AGGF1: variants seen among roughly 807,000 people sequenced by gnomAD.
AGGF1 encodes angiogenic factor with G patch and FHA domains 1.
A neutral mutation model predicts 86.5 loss-of-function variants in AGGF1; 56 were observed. The ratio of observed to expected loss-of-function variants is 0.65; its 90% confidence interval spans 0.52 to 0.81. The LOEUF (loss-of-function observed/expected upper bound fraction) is 0.81, where lower values mean the gene tolerates loss of function less well. Ranked by LOEUF, AGGF1 falls within the 30% of genes least tolerant of loss-of-function variation. The pLI, the probability that AGGF1 is intolerant of heterozygous loss-of-function variation, is 0.00. For synonymous variants in AGGF1, 313 were observed against 297.1 expected, an observed-to-expected ratio of 1.05 and a Z score of -0.55; for missense variants, 816 against 850.9, an observed-to-expected ratio of 0.96 and a Z score of 0.51.
At chr5:77,056,274 GC>G (rs1379312599) in intron 11 of AGGF1, among the ~76,000 whole-genome samples, 2 of 143,464 alleles carry the variant, frequency 1.4e-5, no homozygotes, top group Admixed American at 1.4e-4. Flanking sequence ...TGTCACCCAG[GC>G]TGGAGTGCAG....
At chr5:77,059,962 C>G (rs1747525923) in intron 12 of AGGF1, among the ~76,000 whole-genome samples, 1 of 152,206 alleles carries the variant, frequency 6.6e-6, no homozygotes, top group Admixed American at 6.5e-5. Flanking sequence ...CTGCCTCAGC[C>G]TCCTGAGTAG....
At position 77,030,468 on chromosome 5, in the gene AGGF1, T is replaced by G. The variant is rs550599735; in HGVS notation, c.-299T>G. 1 of 592,190 alleles carries G rather than the reference T, an allele frequency of 1.7e-6. No individual in the cohort carries two copies. The highest frequency in any genetic ancestry group is 1.5e-5 in the South Asian group (1 of 65,824). The allele number at this position is 592,190 out of a possible 1,614,324, so 36.7% of individuals were successfully genotyped here. On this transcript the variant is annotated 5_prime_UTR_variant, in exon 1 of 14. Coordinates refer to ENST00000312916, the MANE Select transcript of AGGF1 (RefSeq NM_018046.5). ...TTCTGGCCTCTGGTTTTCCGACTGC[T>G]TATCCGACGCTCCTCCCTCTGTCTC... is the stretch of plus-strand genomic sequence containing the variant.
At position 77,053,984 on chromosome 5, in the gene AGGF1, C is replaced by G. The variant is rs1747419430; in HGVS notation, c.1487C>G (p.Pro496Arg). 6 of 1,614,094 alleles carry G rather than the reference C, an allele frequency of 3.7e-6. No individual in the cohort carries two copies. Among genetic ancestry groups the G allele is most frequent in the Non-Finnish European group, 4.2e-6 (5 of 1,180,022 alleles). ...CTCTAGCCGAAAACTAAATGTGACC[C>G]TTACGTACTTGAGCATGGAGATGAA... is the stretch of plus-strand genomic sequence containing the variant. ...QILQPKTKCD[P>R]YVLEHGDEVK... The change falls in exon 10 of 14, where the codon CCT becomes CGT. Residue 496 changes from proline to arginine, a missense_variant. Physicochemically the swap from Pro to Arg is moderately radical, Grantham distance 103 (BLOSUM62 -2). Coordinates refer to ENST00000312916, the MANE Select transcript of AGGF1 (RefSeq NM_018046.5).
Position 77,048,202 on chromosome 5 carries a change from A to G in AGGF1, c.1243A>G (p.Ile415Val), listed in dbSNP as rs749387832. The change falls in exon 7 of 14, where the codon ATT (isoleucine) becomes GTT (valine). Residue 415 changes from isoleucine to valine, a missense_variant. Around this residue, in one of 3 missense-constraint regions of AGGF1, gnomAD observed 565 missense variants for 585.8 expected, o/e 0.96. Transcript: ENST00000312916. The part of the protein sequence containing the change: ...IWPPCIRVIV[I>V]RSPVLQIGSL... ...GCCCCCATGTATTAGAGTAATTGTCATTAGATCACCTGTGTTGCAGATAGG... is the reference window on the plus strand; with the variant it reads ...GCCCCCATGTATTAGAGTAATTGTCGTTAGATCACCTGTGTTGCAGATAGG... The G allele has an allele frequency of 1.2e-6, 2 of 1,613,816 alleles. No homozygotes were observed. The highest frequency in any genetic ancestry group is 1.7e-6 in the Non-Finnish European group (2 of 1,179,828).
chr5:77,036,505 A>C (rs751132823), intron 3 of AGGF1, 51 bp from the exon 4 acceptor site: 2 of 1,600,458 alleles, frequency 1.2e-6, no homozygotes, highest in Non-Finnish European at 1.7e-6. Flanking sequence ...CAACTTTTTA[A>C]TTGATATACA....
intron 1 of AGGF1, among the ~76,000 whole-genome samples, chr5:77,032,332 C>G (rs1746879999): frequency 6.7e-6 from 1 of 149,270 alleles, no homozygotes; most frequent in Admixed American, 6.7e-5. Flanking sequence ...CTTTGGGAGG[C>G]CGAGGCGGGC....
In AGGF1 at chr5:77,040,233, C is replaced by T. The variant is rs141660444; in HGVS notation, c.870+514C>T. ...AAGTGATTCTCCTGCCTCAGCCTCC[C>T]GAGTAGCTGGGATTACAGGCATGCA... On this transcript the variant is annotated intron_variant, in intron 5 of 13. Coordinates refer to ENST00000312916, the MANE Select transcript of AGGF1 (RefSeq NM_018046.5). 7.2e-3 allele frequency among the ~76,000 whole-genome samples: 1,101 copies of T among 151,888 alleles called. 12 individuals are homozygous for T. Among genetic ancestry groups the T allele is most frequent in the South Asian group, 0.03 (144 of 4,806 alleles).
intron 11 of AGGF1, 68 bp from the exon 12 acceptor site, chr5:77,059,548 G>A (rs1057127796): frequency 3.7e-6 from 5 of 1,364,594 alleles, no homozygotes; most frequent in Non-Finnish European, 5.2e-6. Context: ...GTTAAGTAAG[G>A]CACATGTACA....
chr5:77,058,627 A>G (rs1301296251), intron 11 of AGGF1, among the ~76,000 whole-genome samples: 1 of 152,134 alleles, frequency 6.6e-6, no homozygotes, highest in Non-Finnish European at 1.5e-5. Context: ...ATAGTTCTAT[A>G]TTTTTCTTCT....
intron 1 of AGGF1, among the ~76,000 whole-genome samples, chr5:77,033,176 T>G (rs1746903779): frequency 6.6e-6 from 1 of 152,236 alleles, no homozygotes; most frequent in South Asian, 2.1e-4. Context: ...TGGATTCGAT[T>G]AACTGTCATT....
At chr5:77,047,467 A>C (rs1277149410) in intron 6 of AGGF1, among the ~76,000 whole-genome samples, 1 of 152,152 alleles carries the variant, frequency 6.6e-6, no homozygotes, top group Non-Finnish European at 1.5e-5. Context: ...CCGAGGGCCA[A>C]CTGTGTAGTA....
At chr5:77,035,461 AT>A (rs1479115228) in intron 2 of AGGF1, 79 bp from the exon 3 acceptor site, 16 of 1,048,680 alleles carry the variant, frequency 1.5e-5, no homozygotes, top group Non-Finnish European at 2.1e-5. Context: ...TTGTGTTTAA[AT>A]GCCAGTGTTT....
At position 77,064,792 on chromosome 5, in the gene AGGF1, G is replaced by A. The variant is rs1742765362; in HGVS notation, c.*1540G>A. The A allele has an allele frequency of 6.6e-6, 1 of 152,132 alleles. No homozygotes were observed. Among genetic ancestry groups the A allele is most frequent in the Non-Finnish European group, 1.5e-5 (1 of 68,038 alleles). 9.4% of individuals were successfully genotyped at this position (152,132 alleles called of 1,614,324 possible). A position where few individuals can be genotyped will look rare whatever the true frequency, so the allele number is the denominator to read the frequency against. ...GCCCTGTATATATGTAACAATATAG[G>A]ACCCCTCCAAATAGGTTTTGCTTCT... is the stretch of plus-strand genomic sequence containing the variant. On this transcript the variant is annotated 3_prime_UTR_variant, in exon 14 of 14. Transcript: ENST00000312916.
At chr5:77,055,462 G>A (rs1038955640) in intron 10 of AGGF1, 52 bp from the exon 11 acceptor site, 2 of 1,207,394 alleles carry the variant, frequency 1.7e-6, no homozygotes, top group African/African-American at 3.0e-5. Flanking sequence ...TTTTAATTTT[G>A]TACAAAATCA....
At chr5:77,049,011 A>G in intron 8 of AGGF1, 24 bp downstream of exon 8, 2 of 1,607,518 alleles carry the variant, frequency 1.2e-6, no homozygotes, top group Non-Finnish European at 1.7e-6. Context: ...TTTATCAAAT[A>G]TAGTCCCCTA....
intron 2 of AGGF1, 69 bp downstream of exon 2, chr5:77,034,589 T>A: frequency 9.1e-7 from 1 of 1,100,650 alleles, no homozygotes; most frequent in Non-Finnish European, 1.4e-6. Flanking sequence ...GCGTTTTCTT[T>A]TAATTTAAAA....
chr5:77,030,731 C>G lies in AGGF1; in HGVS notation c.-36C>G. 3 of 1,546,372 alleles carry G rather than the reference C, an allele frequency of 1.9e-6. No individual in the cohort carries two copies. The highest frequency in any genetic ancestry group is 2.6e-6 in the Non-Finnish European group (3 of 1,152,486). ...GCGTCCGTTTCGGCCTGAACGCAGC[C>G]CCTCCGCGGCGACGAGCAGTCTCGC... is the stretch of plus-strand genomic sequence containing the variant. On this transcript the variant is annotated 5_prime_UTR_variant, in exon 1 of 14. Coordinates refer to ENST00000312916, the MANE Select transcript of AGGF1 (RefSeq NM_018046.5).
At position 77,055,928 on chromosome 5, in the gene AGGF1, C is replaced by G. The variant is rs77558586; in HGVS notation, c.1716+332C>G. 3.4e-4 allele frequency among the ~76,000 whole-genome samples: 52 copies of G among 152,234 alleles called. No individual in the cohort carries two copies. The East Asian group carries it at 8.5e-3, about 25-fold the overall frequency. Reference sequence around the variant, plus strand: ...AGAAGATCGCTTTAGATCAGGAGTTCAAGGCTGCAGTGAGCTGTGATCACA... The same window carrying G: ...AGAAGATCGCTTTAGATCAGGAGTTGAAGGCTGCAGTGAGCTGTGATCACA... On this transcript the variant is annotated intron_variant, in intron 11 of 13. Coordinates refer to ENST00000312916, the MANE Select transcript of AGGF1 (RefSeq NM_018046.5).
chr5:77,037,648 A>G (rs1490615898), intron 4 of AGGF1, among the ~76,000 whole-genome samples: 1 of 152,020 alleles, frequency 6.6e-6, no homozygotes, highest in Non-Finnish European at 1.5e-5. Flanking sequence ...GTAGTGGCTC[A>G]CCCTCTAGTC....
Sources: gnomAD v4.1 joint callset for allele counts (sites outside exome capture counted in the v4.1 genomes callset) on GRCh38, gnomAD v4.1.1 for gene constraint, gnomAD v4.1.1 regional missense constraint, MANE v1.5 for transcripts, NCBI Gene and HGNC (gene_info 2026-07-23, HGNC 2026-07-21) for gene names.